PSD3: variants seen among roughly 807,000 people sequenced by gnomAD.
The protein encoded by PSD3 is PH and SEC7 domain-containing protein 3.
Under a neutral mutation model 105.5 loss-of-function variants are expected in PSD3, and 49 were observed. The ratio of observed to expected loss-of-function variants is 0.46; its 90% CI spans 0.37 to 0.59. The LOEUF (loss-of-function observed/expected upper bound fraction) is 0.59. Ranked by LOEUF, PSD3 falls within the 20% of genes least tolerant of loss-of-function variation. The probability of loss-of-function intolerance (pLI) is 0.00; values close to 1 mark genes in which losing one functional copy is unlikely to be tolerated. For missense variants in PSD3, 1,561 were observed against 1,263.8 expected (o/e 1.24, Z -3.57); for synonymous variants, 557 against 457.8 (o/e 1.22, Z -2.77).
chr8:18,759,266 TAA>T (rs1806317879), intron 9 of PSD3, among the ~76,000 whole-genome samples: 1 of 152,158 alleles, frequency 6.6e-6, no homozygotes, highest in African/African-American at 2.4e-5. Flanking sequence ...AGCAATAACC[TAA>T]AAGACTGTCA....
At chr8:19,022,039 C>G (rs1446903353) in intron 1 of PSD3, among the ~76,000 whole-genome samples, 1 of 152,202 alleles carries the variant, frequency 6.6e-6, no homozygotes, top group East Asian at 1.9e-4. Flanking sequence ...AAGCTTATAA[C>G]TATTGCAGAA....
At chr8:18,906,442 T>A (rs1169461110) in intron 2 of PSD3, among the ~76,000 whole-genome samples, 1 of 152,188 alleles carries the variant, frequency 6.6e-6, no homozygotes, top group Non-Finnish European at 1.5e-5. Flanking sequence ...AAATTCATAG[T>A]TAGGAGCAAA....
chr8:18,774,904 C>G (rs559294587), intron 8 of PSD3: 288 of 456,184 alleles, frequency 6.3e-4, no homozygotes, highest in Non-Finnish European at 1.1e-3. Flanking sequence ...GATCCTGAGC[C>G]TTAATCTTGG....
At chr8:18,677,483 T>A (rs1451081674) in intron 9 of PSD3, among the ~76,000 whole-genome samples, 2 of 152,100 alleles carry the variant, frequency 1.3e-5, no homozygotes, top group African/African-American at 2.4e-5. Flanking sequence ...AGGCAGAGGT[T>A]ACAGTGAGCC....
chr8:18,947,340 T>C (rs768157082), intron 1 of PSD3, among the ~76,000 whole-genome samples: 3 of 152,244 alleles, frequency 2.0e-5, no homozygotes, highest in Non-Finnish European at 2.9e-5. Flanking sequence ...CCAGTCATCA[T>C]GCAGCCCCGC....
intron 9 of PSD3, among the ~76,000 whole-genome samples, chr8:18,703,228 G>C (rs1214460627): frequency 1.3e-5 from 2 of 152,070 alleles, no homozygotes; most frequent in African/African-American, 4.8e-5. Context: ...TCTACAAAGG[G>C]GCAGAAGTTT....
At chr8:18,552,379 T>C (rs1224455589) in intron 15 of PSD3, among the ~76,000 whole-genome samples, 2 of 152,194 alleles carry the variant, frequency 1.3e-5, no homozygotes, top group African/African-American at 4.8e-5. Context: ...ATAAAAAGCG[T>C]CATCTCCTTC....
chr8:18,665,242 C>G (rs1247441242), intron 9 of PSD3, among the ~76,000 whole-genome samples: 1 of 152,198 alleles, frequency 6.6e-6, no homozygotes, highest in Non-Finnish European at 1.5e-5. Flanking sequence ...TGGATGTCTT[C>G]AAGAACATCT....
intron 9 of PSD3, among the ~76,000 whole-genome samples, chr8:18,676,260 C>T (rs887672039): frequency 6.6e-6 from 1 of 152,130 alleles, no homozygotes; most frequent in African/African-American, 2.4e-5. Context: ...CTTCAGTACA[C>T]CTTCCCCAAA....
intron 2 of PSD3, among the ~76,000 whole-genome samples, chr8:18,890,466 G>A (rs780272330): frequency 2.0e-5 from 3 of 152,114 alleles, no homozygotes; most frequent in Non-Finnish European, 4.4e-5. Context: ...GGAGAGAGGT[G>A]AAAAGCCAAA....
At chr8:18,582,813 G>A (rs1479040200) in intron 12 of PSD3, among the ~76,000 whole-genome samples, 2 of 100,864 alleles carry the variant, frequency 2.0e-5, no homozygotes, top group Non-Finnish European at 3.9e-5. Context: ...CAGCCACACT[G>A]ATCTTTTTTT....
chr8:18,590,848 C>T (rs776876063), intron 12 of PSD3, among the ~76,000 whole-genome samples: 3 of 151,978 alleles, frequency 2.0e-5, no homozygotes, highest in Non-Finnish European at 4.4e-5. Flanking sequence ...TCACCAAATA[C>T]CAGATTGATG....
intron 4 of PSD3, among the ~76,000 whole-genome samples, chr8:18,835,781 G>A (rs1262339798): frequency 2.0e-5 from 3 of 152,206 alleles, no homozygotes; most frequent in Non-Finnish European, 4.4e-5. Flanking sequence ...AGCATGCCCG[G>A]CGTGCTCAGA....
At chr8:18,536,534 T>A (rs954929538) in intron 15 of PSD3, among the ~76,000 whole-genome samples, 2 of 152,232 alleles carry the variant, frequency 1.3e-5, no homozygotes, top group African/African-American at 2.4e-5. Context: ...CTCCGTTGCT[T>A]TTCTGCAAGG....
At chr8:18,755,833 T>C (rs572497107) in intron 9 of PSD3, among the ~76,000 whole-genome samples, 15 of 151,998 alleles carry the variant, frequency 9.9e-5, no homozygotes, top group South Asian at 2.1e-4. Flanking sequence ...CTCATTATCG[T>C]CACCATTTTT....
At chr8:18,919,933 C>T (rs997599699) in intron 2 of PSD3, among the ~76,000 whole-genome samples, 9 of 148,306 alleles carry the variant, frequency 6.1e-5, no homozygotes, top group African/African-American at 1.2e-4. Flanking sequence ...CGCACCAGCA[C>T]GGCACATGTA....
At chr8:18,967,277 T>C (rs4921621) in intron 1 of PSD3, among the ~76,000 whole-genome samples, 46,087 of 151,744 alleles carry the variant, frequency 0.3, 7,441 homozygotes, top group Middle Eastern at 0.52. Context: ...CGCTTCTGCC[T>C]CCCGAATAGC....
intron 8 of PSD3, among the ~76,000 whole-genome samples, chr8:18,792,776 C>G (rs1300453569): frequency 6.6e-6 from 1 of 152,158 alleles, no homozygotes; most frequent in African/African-American, 2.4e-5. Context: ...GGAGATTCCT[C>G]AAGGATCTGG....
rs79970450 is a variant in PSD3 at position 19,001,439 on chromosome 8, C to T, written c.21+12124G>A. 2.9e-3 allele frequency among the ~76,000 whole-genome samples: 432 copies of T among 150,940 alleles called. 3 individuals carry two copies. Among genetic ancestry groups the T allele is most frequent in the African/African-American group, 0.01 (414 of 40,578 alleles). On this transcript the variant is annotated intron_variant, in intron 1 of 15. Coordinates refer to ENST00000327040, the MANE Select transcript of PSD3 (RefSeq NM_015310.4). ...CCATTATTATCAACCCCCACCAGAG[C>T]GGTACATTTGTTGCAGTCAATGCAC...
Sources: allele counts gnomAD v4.1 joint callset (sites outside exome capture counted in the v4.1 genomes callset), GRCh38; gene constraint gnomAD v4.1.1; transcripts MANE v1.5; gene names NCBI Gene and HGNC (gene_info 2026-07-23, HGNC 2026-07-21).